FOXP2: variants seen among roughly 807,000 people sequenced by gnomAD.
FOXP2 encodes forkhead box protein P2.
In FOXP2, 12 loss-of-function variants were observed where a neutral mutation model predicts 115.8. The observed-to-expected ratio is 0.10, with a 90% CI of 0.07 to 0.17. FOXP2 has a LOEUF of 0.17. Ranked by LOEUF, FOXP2 falls within the 10% of genes least tolerant of loss-of-function variation. The probability of loss-of-function intolerance (pLI) is 1.00; values close to 1 mark genes in which losing one functional copy is unlikely to be tolerated. For missense variants in FOXP2, 629 were observed against 843.5 expected (o/e 0.75, Z 3.15); for synonymous variants, 328 against 297.7 (o/e 1.10, Z -1.05).
intron 1 of FOXP2, among the ~76,000 whole-genome samples, chr7:114,123,456 T>A (rs977300015): frequency 6.6e-6 from 1 of 151,916 alleles, no homozygotes; most frequent in Non-Finnish European, 1.5e-5. Context: ...TACATTGTAA[T>A]GAAAATATTG....
intron 2 of FOXP2, among the ~76,000 whole-genome samples, chr7:114,464,874 T>C (rs1373530802): frequency 6.6e-6 from 1 of 152,226 alleles, no homozygotes; most frequent in Admixed American, 6.5e-5. Flanking sequence ...TTAGCCCATC[T>C]GTGCCATGTT....
chr7:114,108,999 G>A (rs1791197935), intron 1 of FOXP2, among the ~76,000 whole-genome samples: 1 of 151,828 alleles, frequency 6.6e-6, no homozygotes, highest in Non-Finnish European at 1.5e-5. Flanking sequence ...ATAAGTAAGA[G>A]AATACTAAAA....
chr7:114,693,402 A>G lies in FOXP2; in HGVS notation c.*3476A>G, dbSNP rs1449893090. On this transcript the variant is annotated 3_prime_UTR_variant, in exon 17 of 17. Coordinates refer to ENST00000350908, the MANE Select transcript of FOXP2 (RefSeq NM_014491.4). ...TGGGCAGATTCAGTCGCAAAATCCAATATGATATTTTGTAAAGTTTTCAAG... is the reference window on the plus strand; with the variant it reads ...TGGGCAGATTCAGTCGCAAAATCCAGTATGATATTTTGTAAAGTTTTCAAG... The G allele has an allele frequency of 8.8e-6, 4 of 453,662 alleles. No homozygotes were observed. Among genetic ancestry groups the G allele is most frequent in the Non-Finnish European group, 1.8e-5 (4 of 226,606 alleles). The allele number at this position is 453,662 out of a possible 1,614,324, so 28.1% of individuals were successfully genotyped here. A position where few individuals can be genotyped will look rare whatever the true frequency, so the allele number is the denominator to read the frequency against.
At chr7:114,618,723 G>T (rs1350098713) in intron 3 of FOXP2, among the ~76,000 whole-genome samples, 1 of 152,156 alleles carries the variant, frequency 6.6e-6, no homozygotes, top group African/African-American at 2.4e-5. Context: ...TCCCTCAGGA[G>T]TCTATGTAGG....
At chr7:114,186,293 A>G (rs913808986) in intron 1 of FOXP2, among the ~76,000 whole-genome samples, 2 of 152,102 alleles carry the variant, frequency 1.3e-5, no homozygotes, top group African/African-American at 2.4e-5. Context: ...AGTTTCACAT[A>G]TGGGTGAGAC....
At chr7:114,176,258 C>G (rs959450744) in intron 1 of FOXP2, among the ~76,000 whole-genome samples, 1 of 144,144 alleles carries the variant, frequency 6.9e-6, no homozygotes, top group African/African-American at 2.8e-5. Context: ...CTCTCTCTCT[C>G]TTTCCCTTTC....
At chr7:114,332,862 A>T (rs1797745596) in intron 2 of FOXP2, among the ~76,000 whole-genome samples, 1 of 152,194 alleles carries the variant, frequency 6.6e-6, no homozygotes, top group South Asian at 2.1e-4. Flanking sequence ...GATAAATCTT[A>T]TCCTAGGAGG....
intron 2 of FOXP2, among the ~76,000 whole-genome samples, chr7:114,321,842 T>C (rs1259990438): frequency 6.6e-6 from 1 of 152,136 alleles, no homozygotes; most frequent in Non-Finnish European, 1.5e-5. Flanking sequence ...GTAAATACTT[T>C]TATTTACAGT....
intron 2 of FOXP2, among the ~76,000 whole-genome samples, chr7:114,300,002 C>A (rs1455643975): frequency 2.0e-5 from 3 of 151,804 alleles, no homozygotes; most frequent in Non-Finnish European, 4.4e-5. Flanking sequence ...AAGGCTTATT[C>A]CAATTCTTCC....
At chr7:114,454,837 G>A (rs1295177886) in intron 2 of FOXP2, among the ~76,000 whole-genome samples, 2 of 127,050 alleles carry the variant, frequency 1.6e-5, no homozygotes, top group East Asian at 4.6e-4. Flanking sequence ...CATGGACACA[G>A]GAAGGGGAAT....
intron 1 of FOXP2, among the ~76,000 whole-genome samples, chr7:114,202,366 G>T (rs980476269): frequency 2.6e-5 from 4 of 152,066 alleles, no homozygotes; most frequent in Middle Eastern, 3.2e-3. Flanking sequence ...TATAAGGCAT[G>T]GATTTAAAAA....
intron 2 of FOXP2, among the ~76,000 whole-genome samples, chr7:114,458,856 G>A (rs1349129306): frequency 6.6e-6 from 1 of 151,984 alleles, no homozygotes; most frequent in African/African-American, 2.4e-5. Flanking sequence ...AAACTTAGTG[G>A]CCTGAAACAA....
intron 3 of FOXP2, among the ~76,000 whole-genome samples, chr7:114,611,337 C>T (rs1276449350): frequency 6.6e-6 from 1 of 152,192 alleles, no homozygotes; most frequent in Non-Finnish European, 1.5e-5. Context: ...GTTGAAAAAG[C>T]TGTAGGGAAA....
intron 3 of FOXP2, among the ~76,000 whole-genome samples, chr7:114,559,696 C>T (rs1160257467): frequency 6.6e-6 from 1 of 150,386 alleles, no homozygotes; most frequent in Non-Finnish European, 1.5e-5. Context: ...TACTGGCTAA[C>T]ACGGTGAAAC....
chr7:114,661,866 C>T (rs1333940508), intron 13 of FOXP2, 199 bp from the exon 14 acceptor site: 2 of 593,564 alleles, frequency 3.4e-6, no homozygotes, highest in Admixed American at 3.0e-5. Flanking sequence ...GGAAGGTTCT[C>T]TTATCACAAA....
At chr7:114,464,747 A>G (rs1584768782) in intron 2 of FOXP2, among the ~76,000 whole-genome samples, 1 of 152,242 alleles carries the variant, frequency 6.6e-6, no homozygotes, top group East Asian at 1.9e-4. Flanking sequence ...TCATGGCTAT[A>G]TGGTAGTCCA....
At chr7:114,407,260 T>A (rs1284300073) in intron 2 of FOXP2, among the ~76,000 whole-genome samples, 3 of 152,048 alleles carry the variant, frequency 2.0e-5, no homozygotes, top group East Asian at 3.8e-4. Context: ...GGTTTAGTGA[T>A]GTCTAAAAGA....
chr7:114,302,234 C>G (rs1796895173), intron 2 of FOXP2, among the ~76,000 whole-genome samples: 1 of 152,110 alleles, frequency 6.6e-6, no homozygotes, highest in African/African-American at 2.4e-5. Context: ...AGAGCATGCA[C>G]TCACACATGT....
intron 6 of FOXP2, 38 bp from the exon 7 acceptor site, chr7:114,642,372 A>G: frequency 1.3e-6 from 2 of 1,541,700 alleles, no homozygotes; most frequent in Non-Finnish European, 9.0e-7. Context: ...CTTTACCTTT[A>G]CCTTGTTATG....
Sources: allele counts gnomAD v4.1 joint callset (sites outside exome capture counted in the v4.1 genomes callset), GRCh38; gene constraint gnomAD v4.1.1; transcripts MANE v1.5; gene names NCBI Gene and HGNC (gene_info 2026-07-23, HGNC 2026-07-21).